CASD1: variants seen among roughly 807,000 people sequenced by gnomAD.
CASD1 encodes the protein N-acetylneuraminate (7)9-O-acetyltransferase.
CASD1 carries 41 observed loss-of-function variants against 100.0 expected under a neutral mutation model. The observed-to-expected ratio is 0.41, with a 90% CI of 0.32 to 0.53. The LOEUF is 0.53. Among genes scored for constraint, CASD1 ranks in the 20% least tolerant of loss-of-function variants. The probability of loss-of-function intolerance (pLI) is 0.25; values close to 1 mark genes in which losing one functional copy is unlikely to be tolerated. For synonymous variants in CASD1, 321 were observed against 315.6 expected (o/e 1.02, Z -0.18); for missense variants, 774 against 948.7 (o/e 0.82, Z 2.42).
Position 94,518,371 on chromosome 7 carries a change from A to G in CASD1, c.351+48A>G, listed in dbSNP as rs767071067. 4 of 1,477,964 alleles carry G rather than the reference A, an allele frequency of 2.7e-6. No homozygotes were observed. The South Asian group carries it at 4.0e-5, about 15-fold the overall frequency. The allele number at this position is 1,477,964 out of a possible 1,614,324, so 91.6% of individuals were successfully genotyped here. On this transcript the variant is annotated intron_variant, in intron 3 of 17. Coordinates refer to ENST00000297273, the MANE Select transcript of CASD1 (RefSeq NM_022900.5). The stretch of plus-strand genomic sequence containing the variant: ...TGTAGAGTGTTTTAGAAGTTAACCA[A>G]CTGAATAGTTACAGGAGGAGTGTGT...
At chr7:94,594,944 T>C in the CASD1 span, among the ~76,000 whole-genome samples, 1 of 152,108 alleles carries the variant, frequency 6.6e-6, no homozygotes, top group Non-Finnish European at 1.5e-5. Context: ...CAGGTTCTGC[T>C]CCAGCTTCCC....
At chr7:94,553,060 A>AGCTT in intron 16 of CASD1, 1 of 332,592 alleles carries the variant, frequency 3.0e-6, no homozygotes. Context: ...AGCGTTGTAC[A>AGCTT]ACTTATGCAA....
chr7:94,539,448 C>G (rs1245078699), intron 10 of CASD1, among the ~76,000 whole-genome samples: 1 of 151,996 alleles, frequency 6.6e-6, no homozygotes, highest in Non-Finnish European at 1.5e-5. Context: ...GTGGGTGGAT[C>G]ACCTGAGGTC....
chr7:94,526,120 C>T (rs1383930847), intron 3 of CASD1, among the ~76,000 whole-genome samples: 1 of 152,164 alleles, frequency 6.6e-6, no homozygotes, highest in Admixed American at 6.5e-5. Flanking sequence ...CACTCAGGGC[C>T]TATACTAGTA....
intron 2 of CASD1, 67 bp from the exon 3 acceptor site, chr7:94,518,136 G>T (rs542551206): frequency 1.4e-6 from 2 of 1,384,070 alleles, no homozygotes; most frequent in South Asian, 1.6e-5. Context: ...TTCAAAAACG[G>T]TGTGCTTTGA....
At chr7:94,522,679 C>T (rs553710823) in intron 3 of CASD1, among the ~76,000 whole-genome samples, 4,241 of 8,656 alleles carry the variant, frequency 0.49, 98 homozygotes, top group Middle Eastern at 0.56. Context: ...TTTTTTGAGA[C>T]GGAGTTCTCG....
intron 1 of CASD1, among the ~76,000 whole-genome samples, chr7:94,516,176 G>A (rs917150226): frequency 2.6e-5 from 4 of 151,442 alleles, no homozygotes; most frequent in African/African-American, 9.7e-5. Flanking sequence ...TGCTCAAGCC[G>A]TGTATATAGT....
chr7:94,586,329 G>A, the CASD1 span, among the ~76,000 whole-genome samples: 2 of 151,944 alleles, frequency 1.3e-5, no homozygotes, highest in African/African-American at 2.4e-5. Flanking sequence ...AAAAGCTGCC[G>A]TACTCACAAA....
rs1795070697 is a variant in CASD1, at chr7:94,535,382, A to G, written c.702A>G (p.Glu234=). ...ATGAGAAGATAGATGCTTACAATGA[A>G]GCTGCAGTCAGTATTTTGAATAGTA... ...ITNEKIDAYN[E]AAVSILNSST... The change falls in exon 8 of 18, where the codon GAA becomes GAG. Residue 234 remains glutamate, a synonymous_variant. Transcript: ENST00000297273. The G allele has an allele frequency of 6.2e-7, 1 of 1,613,488 alleles. No homozygotes were observed. The highest frequency in any genetic ancestry group is 8.5e-7 in the Non-Finnish European group (1 of 1,179,612).
the CASD1 span, chr7:94,629,644 T>G: frequency 4.0e-6 from 5 of 1,264,258 alleles, no homozygotes; most frequent in Admixed American, 8.5e-5. Flanking sequence ...TATTTTATCA[T>G]ATATGTCTAT....
chr7:94,551,149 G>C (rs1795926857), intron 14 of CASD1, among the ~76,000 whole-genome samples, 189 bp from the exon 15 acceptor site: 1 of 151,986 alleles, frequency 6.6e-6, no homozygotes, highest in Non-Finnish European at 1.5e-5. Flanking sequence ...GTCTATTGCT[G>C]ATGGTTTCTA....
At chr7:94,629,314 CT>C in the CASD1 span, 3 of 160,254 alleles carry the variant, frequency 1.9e-5, no homozygotes, top group East Asian at 5.2e-4. Context: ...ATTGTAAAAG[CT>C]TTTTAAAAGC....
chr7:94,513,140 C>T (rs1793797639), intron 1 of CASD1, among the ~76,000 whole-genome samples: 1 of 152,122 alleles, frequency 6.6e-6, no homozygotes, highest in Non-Finnish European at 1.5e-5. Context: ...AGTTCAAGAC[C>T]AGCGTGGCCA....
intron 5 of CASD1, among the ~76,000 whole-genome samples, chr7:94,528,616 A>G (rs180960704): frequency 6.6e-6 from 1 of 152,272 alleles, no homozygotes; most frequent in East Asian, 1.9e-4. Flanking sequence ...ATGTCCAGAT[A>G]CTTCAGGAAA....
chr7:94,533,139 T>G lies in CASD1; in HGVS notation c.460-66T>G, dbSNP rs567208064. ...TTACATTTTAAGGAAAAAAATTAAA[T>G]GATGTTACTTGTAGTAATTCCCTGA... On this transcript the variant is annotated intron_variant, in intron 5 of 17. Transcript: ENST00000297273. 53 of 1,120,630 alleles carry G rather than the reference T, an allele frequency of 4.7e-5. 2 individuals carry two copies. The highest frequency in any genetic ancestry group is 2.7e-4 in the East Asian group (11 of 41,304). The allele number at this position is 1,120,630 out of a possible 1,614,324, so 69.4% of individuals were successfully genotyped here.
chr7:94,622,080 C>T, the CASD1 span: 4 of 152,128 alleles, frequency 2.6e-5, no homozygotes, highest in Admixed American at 1.3e-4. Context: ...TTCCTTCTTT[C>T]ATATCGTGTA....
intron 11 of CASD1, among the ~76,000 whole-genome samples, chr7:94,544,892 A>G (rs1373972443): frequency 6.6e-6 from 1 of 152,114 alleles, no homozygotes; most frequent in Non-Finnish European, 1.5e-5. Flanking sequence ...CAGTTTCTAA[A>G]CATTATTTCA....
the CASD1 span, chr7:94,599,393 T>C: frequency 2.8e-6 from 1 of 354,848 alleles, no homozygotes; most frequent in South Asian, 5.4e-5. Flanking sequence ...GGTCTTTTCA[T>C]CTGTTCTCTG....
At chr7:94,538,421 T>G (rs1163884568) in intron 9 of CASD1, among the ~76,000 whole-genome samples, 2 of 152,288 alleles carry the variant, frequency 1.3e-5, no homozygotes, top group East Asian at 3.9e-4. Flanking sequence ...TTGTGTAACT[T>G]CTTTACAAGG....
Sources: gnomAD v4.1 joint callset for allele counts (sites outside exome capture counted in the v4.1 genomes callset) on GRCh38, gnomAD v4.1.1 for gene constraint, MANE v1.5 for transcripts, NCBI Gene and HGNC (gene_info 2026-07-23, HGNC 2026-07-21) for gene names.